Variants in PRELID2 observed in about 807,000 individuals in gnomAD.
PRELID2 encodes the protein PRELI domain containing 2.
A neutral mutation model predicts 28.4 loss-of-function variants in PRELID2; 25 were observed. The observed-to-expected ratio is 0.88, with a 90% confidence interval of 0.64 to 1.23. The LOEUF is 1.23. Among genes scored for constraint, PRELID2 ranks in the 50% most tolerant of loss-of-function variants. The pLI is 0.00. For synonymous variants in PRELID2, 76 were observed against 71.6 expected (o/e 1.06, Z -0.31); for missense variants, 201 against 214.4 (o/e 0.94, Z 0.39).
At chr5:145,398,921 T>C in the PRELID2 span, among the ~76,000 whole-genome samples, 3 of 152,110 alleles carry the variant, frequency 2.0e-5, no homozygotes, top group Non-Finnish European at 2.9e-5. Context: ...GAGGATCATA[T>C]AGAAAAAGGT....
Position 145,474,579 on chromosome 5 carries a change from CCTGGT to C in PRELID2, n.71-1269_71-1265del, listed in dbSNP as rs1752082681. 2.6e-5 allele frequency among the ~76,000 whole-genome samples: 4 copies of C among 152,146 alleles called. No individual in the cohort carries two copies. The South Asian group carries it at 8.3e-4, about 32-fold the overall frequency. ...CAGGCAATTACTCACACCTGTTTGGCCTGGTCCAATTATCCTCCTAAGCAGTCCTG... is the reference window on the plus strand; with the variant it reads ...CAGGCAATTACTCACACCTGTTTGGCCCAATTATCCTCCTAAGCAGTCCTG... On this transcript the variant is annotated intron_variant and non_coding_transcript_variant, in intron 1 of 2. Coordinates refer to the PRELID2 transcript ENST00000510259.
the PRELID2 span, among the ~76,000 whole-genome samples, chr5:145,441,390 A>C: frequency 2.0e-5 from 3 of 152,110 alleles, no homozygotes; most frequent in Admixed American, 1.3e-4. Flanking sequence ...ATCTCTTGCC[A>C]CCATACATCA....
chr5:145,549,548 G>C (rs1752815233), intron 1 of PRELID2, among the ~76,000 whole-genome samples: 1 of 152,148 alleles, frequency 6.6e-6, no homozygotes, highest in South Asian at 2.1e-4. Flanking sequence ...CCAGCACTTT[G>C]GGATTACAGG....
chr5:145,339,219 G>A, the PRELID2 span, among the ~76,000 whole-genome samples: 1 of 152,204 alleles, frequency 6.6e-6, no homozygotes, highest in African/African-American at 2.4e-5. Context: ...CACACTGCAA[G>A]TAAATTTTCT....
chr5:145,447,036 C>A, the PRELID2 span, among the ~76,000 whole-genome samples: 1 of 105,010 alleles, frequency 9.5e-6, no homozygotes, highest in Non-Finnish European at 2.0e-5. Flanking sequence ...GCAACAAGAG[C>A]GAAACTCCAT....
intron 1 of PRELID2, among the ~76,000 whole-genome samples, chr5:145,828,611 G>A (rs1175865041): frequency 6.6e-6 from 1 of 152,116 alleles, no homozygotes; most frequent in Non-Finnish European, 1.5e-5. Flanking sequence ...GAGTGCTGGA[G>A]AGAATATTTA....
In PRELID2 at chr5:145,572,024, C is replaced by G. The variant is rs570319307; in HGVS notation, n.71-98709G>C. On this transcript the variant is annotated intron_variant and non_coding_transcript_variant, in intron 1 of 2. Coordinates refer to the PRELID2 transcript ENST00000510259. ...AAAAAAGAAAAAAAAGAAGCATTTA[C>G]AATCTATTTTTTTAAGCATGCTACC... is the stretch of plus-strand genomic sequence containing the variant. Among the ~76,000 whole-genome samples, 3 of 151,960 alleles carry G rather than the reference C, an allele frequency of 2.0e-5. No homozygotes were observed. In the East Asian group the frequency reaches 5.8e-4, roughly 29 times the overall value.
At chr5:145,554,653 T>G (rs57158118) in intron 1 of PRELID2, among the ~76,000 whole-genome samples, 1 of 152,218 alleles carries the variant, frequency 6.6e-6, no homozygotes, top group Non-Finnish European at 1.5e-5. Flanking sequence ...TAGGGCTGTG[T>G]TGTTGGCTGG....
the PRELID2 span, among the ~76,000 whole-genome samples, chr5:145,246,922 G>A: frequency 6.6e-6 from 1 of 152,092 alleles, no homozygotes; most frequent in Non-Finnish European, 1.5e-5. Flanking sequence ...TCTTTCCTGG[G>A]GACCAGTCTG....
the PRELID2 span, among the ~76,000 whole-genome samples, chr5:145,415,324 C>A: frequency 6.6e-6 from 1 of 151,006 alleles, no homozygotes; most frequent in Non-Finnish European, 1.5e-5. Context: ...GGTACATGTG[C>A]ACAATGTGCA....
At chr5:145,745,872 A>ATGAAAAAC (rs1756978633) in intron 1 of PRELID2, among the ~76,000 whole-genome samples, 1 of 151,666 alleles carries the variant, frequency 6.6e-6, no homozygotes, top group Non-Finnish European at 1.5e-5. Flanking sequence ...CAAAAAAAAA[A>ATGAAAAAC]ATGAAAAGAA....
chr5:145,522,449 CAGAG>C (rs1419892064), intron 1 of PRELID2, among the ~76,000 whole-genome samples: 1 of 151,574 alleles, frequency 6.6e-6, no homozygotes, highest in Non-Finnish European at 1.5e-5. Context: ...GACAGAGAGA[CAGAG>C]AGAGAGAAAA....
At chr5:145,362,160 A>C in the PRELID2 span, among the ~76,000 whole-genome samples, 2 of 152,142 alleles carry the variant, frequency 1.3e-5, no homozygotes, top group African/African-American at 2.4e-5. Context: ...ATATATGCTA[A>C]ATGAAGAAAG....
At chr5:145,519,904 T>C (rs1752549543) in intron 1 of PRELID2, among the ~76,000 whole-genome samples, 1 of 152,216 alleles carries the variant, frequency 6.6e-6, no homozygotes, top group African/African-American at 2.4e-5. Context: ...TCAAATGGTA[T>C]TATTGTGAAA....
chr5:145,560,218 C>A (rs986683895), intron 1 of PRELID2, among the ~76,000 whole-genome samples: 2 of 152,204 alleles, frequency 1.3e-5, no homozygotes, highest in Non-Finnish European at 2.9e-5. Context: ...AATCAGAGAT[C>A]ACAAATGGAA....
chr5:145,310,919 A>G, the PRELID2 span, among the ~76,000 whole-genome samples: 1 of 151,708 alleles, frequency 6.6e-6, no homozygotes, highest in Non-Finnish European at 1.5e-5. Flanking sequence ...TTTTTCTGTT[A>G]CAAGCCTGAA....
chr5:145,610,642 A>G (rs915100338), intron 1 of PRELID2, among the ~76,000 whole-genome samples: 2 of 152,142 alleles, frequency 1.3e-5, no homozygotes, highest in African/African-American at 2.4e-5. Context: ...AGAAATTAGT[A>G]CCTAGATGTA....
chr5:145,397,170 G>A, the PRELID2 span, among the ~76,000 whole-genome samples: 1 of 152,078 alleles, frequency 6.6e-6, no homozygotes, highest in African/African-American at 2.4e-5. Context: ...GATGTTATTA[G>A]ATCTCAGGTC....
intron 1 of PRELID2, among the ~76,000 whole-genome samples, chr5:145,578,891 A>G (rs888347571): frequency 1.3e-5 from 2 of 152,094 alleles, no homozygotes; most frequent in Non-Finnish European, 2.9e-5. Flanking sequence ...AAGGGTCATT[A>G]TGAACTTTGA....
Sources: gnomAD v4.1 joint callset for allele counts (sites outside exome capture counted in the v4.1 genomes callset) on GRCh38, gnomAD v4.1.1 for gene constraint, MANE v1.5 for transcripts, NCBI Gene and HGNC (gene_info 2026-07-23, HGNC 2026-07-21) for gene names.